The following ELMO1 variants were observed in gnomAD, a reference collection of about 807,000 sequenced individuals.
ELMO1 encodes engulfment and cell motility 1, also known as engulfment and cell motility protein 1.
In ELMO1, 26 loss-of-function variants were observed where a neutral mutation model predicts 98.9. The observed-to-expected ratio is 0.26, with a 90% CI of 0.19 to 0.36. The LOEUF is 0.36. Among genes scored for constraint, ELMO1 ranks in the 10% least tolerant of loss-of-function variants. The pLI is 1.00. For synonymous variants in ELMO1, 346 were observed against 346.0 expected (o/e 1.00, Z 0.00); for missense variants, 627 against 935.2 (o/e 0.67, Z 4.30).
intron 15 of ELMO1, among the ~76,000 whole-genome samples, chr7:37,068,313 T>G (rs952458892): frequency 6.6e-6 from 1 of 152,186 alleles, no homozygotes; most frequent in Admixed American, 6.5e-5. Flanking sequence ...AAAGAGATAT[T>G]CTTGAACCCG....
intron 1 of ELMO1, among the ~76,000 whole-genome samples, chr7:37,371,543 G>A (rs1358689918): frequency 6.6e-6 from 1 of 152,098 alleles, no homozygotes; most frequent in African/African-American, 2.4e-5. Flanking sequence ...AAATGGGGGG[G>A]TTCCTTCAGT....
chr7:37,008,049 T>C (rs1192146237), intron 16 of ELMO1, among the ~76,000 whole-genome samples: 2 of 152,248 alleles, frequency 1.3e-5, no homozygotes, highest in African/African-American at 4.8e-5. Flanking sequence ...AGTTTCAAGA[T>C]AGTGCTTTTA....
chr7:37,305,375 G>C (rs1798558065), intron 4 of ELMO1, among the ~76,000 whole-genome samples: 1 of 152,150 alleles, frequency 6.6e-6, no homozygotes, highest in Non-Finnish European at 1.5e-5. Context: ...TAAGGGACCA[G>C]ACGGTCTCTG....
At chr7:37,372,130 T>G (rs188655341) in intron 1 of ELMO1, among the ~76,000 whole-genome samples, 7 of 151,674 alleles carry the variant, frequency 4.6e-5, no homozygotes, top group African/African-American at 1.4e-4. Flanking sequence ...TCAGTTTCAG[T>G]TAAAAAAAAA....
intron 16 of ELMO1, among the ~76,000 whole-genome samples, chr7:36,970,182 C>T (rs6462725): frequency 0.025 from 981 of 38,646 alleles, 22 homozygotes; most frequent in African/African-American, 0.075. Context: ...ATACACTTAA[C>T]ACACACACAC....
chr7:37,204,266 G>A, intron 13 of ELMO1: 1 of 453,834 alleles, frequency 2.2e-6, no homozygotes, highest in Non-Finnish European at 4.4e-6. Flanking sequence ...TAAAGATGGT[G>A]TGTCCAGAGT....
At chr7:37,029,010 T>C (rs1213545338) in intron 15 of ELMO1, among the ~76,000 whole-genome samples, 1 of 152,122 alleles carries the variant, frequency 6.6e-6, no homozygotes, top group Non-Finnish European at 1.5e-5. Flanking sequence ...CAGGTTTGGG[T>C]CTTATTTCCA....
intron 1 of ELMO1, among the ~76,000 whole-genome samples, chr7:37,391,973 G>A (rs527870479): frequency 6.0e-4 from 91 of 152,284 alleles, no homozygotes; most frequent in Admixed American, 1.2e-3. Context: ...CACATGCAAT[G>A]GCCCTGCGTG....
intron 14 of ELMO1, among the ~76,000 whole-genome samples, chr7:37,102,532 C>T (rs931082993): frequency 1.3e-5 from 2 of 152,086 alleles, no homozygotes; most frequent in African/African-American, 4.8e-5. Flanking sequence ...GTAAATAAAC[C>T]CAAAAGAAAA....
At chr7:37,382,175 A>G (rs533873265) in intron 1 of ELMO1, among the ~76,000 whole-genome samples, 1 of 152,170 alleles carries the variant, frequency 6.6e-6, no homozygotes, top group Non-Finnish European at 1.5e-5. Context: ...CCTTCCTACT[A>G]CTTAGAAACC....
chr7:37,353,640 T>C (rs1801376783), intron 1 of ELMO1: 1 of 152,202 alleles, frequency 6.6e-6, no homozygotes, highest in South Asian at 2.1e-4. Flanking sequence ...CCCAGGTTGC[T>C]GCTACTGGCT....
At chr7:36,919,066 T>A (rs1453934836) in intron 16 of ELMO1, among the ~76,000 whole-genome samples, 1 of 152,198 alleles carries the variant, frequency 6.6e-6, no homozygotes, top group Non-Finnish European at 1.5e-5. Flanking sequence ...TTCAGCTAAC[T>A]TATAGGAATT....
intron 16 of ELMO1, among the ~76,000 whole-genome samples, chr7:36,995,709 C>T (rs187218714): frequency 6.6e-6 from 1 of 152,106 alleles, no homozygotes; most frequent in Admixed American, 6.5e-5. Flanking sequence ...TTATCAATCC[C>T]CACTGTTGAA....
intron 4 of ELMO1, among the ~76,000 whole-genome samples, chr7:37,296,737 T>C (rs1374519258): frequency 3.9e-5 from 6 of 152,226 alleles, no homozygotes; most frequent in African/African-American, 1.4e-4. Context: ...TACCTTGAAA[T>C]CTCAGGAATC....
At chr7:37,251,938 T>C (rs1042014433) in intron 6 of ELMO1, among the ~76,000 whole-genome samples, 4 of 151,988 alleles carry the variant, frequency 2.6e-5, no homozygotes, top group African/African-American at 9.7e-5. Context: ...ACACCAATAA[T>C]AGGCAAACAG....
chr7:37,092,584 A>C (rs1258024751), intron 15 of ELMO1, among the ~76,000 whole-genome samples: 1 of 148,060 alleles, frequency 6.8e-6, no homozygotes, highest in Admixed American at 6.9e-5. Flanking sequence ...ACCGTGTTAG[A>C]CAGGACGGTC....
At position 37,006,552 on chromosome 7, in the gene ELMO1, G is replaced by A. The variant is rs144882322; in HGVS notation, c.1437+6747C>T. Among the ~76,000 whole-genome samples, 270 of 152,316 alleles carry A rather than the reference G, an allele frequency of 1.8e-3. 1 individual carries two copies. Among genetic ancestry groups the A allele is most frequent in the African/African-American group, 6.1e-3 (254 of 41,560 alleles). Reference sequence around the variant, plus strand: ...CCTTTGCACCATGCATTCTTGATGAGGGAGTGGGGACATCATCCTTAGGGA... The same window carrying A: ...CCTTTGCACCATGCATTCTTGATGAAGGAGTGGGGACATCATCCTTAGGGA... On this transcript the variant is annotated intron_variant, in intron 16 of 21. Coordinates refer to ENST00000310758, the MANE Select transcript of ELMO1 (RefSeq NM_014800.11).
chr7:37,429,444 T>G (rs1804840892), intron 1 of ELMO1: 1 of 152,236 alleles, frequency 6.6e-6, no homozygotes, highest in Non-Finnish European at 1.5e-5. Context: ...TTGCAACATC[T>G]CTTAAATCTT....
chr7:37,119,751 G>C (rs1444153206), intron 14 of ELMO1, among the ~76,000 whole-genome samples: 1 of 152,134 alleles, frequency 6.6e-6, no homozygotes, highest in African/African-American at 2.4e-5. Context: ...TATATGCTCT[G>C]TCTCACAACT....
Sources: allele counts gnomAD v4.1 joint callset (sites outside exome capture counted in the v4.1 genomes callset), GRCh38; gene constraint gnomAD v4.1.1; transcripts MANE v1.5; gene names NCBI Gene and HGNC (gene_info 2026-07-23, HGNC 2026-07-21).